RARB: variants seen among roughly 807,000 people sequenced by gnomAD.
RARB encodes the protein retinoic acid receptor beta, also known as HBV-activated protein.
A neutral mutation model predicts 51.9 loss-of-function variants in RARB; 17 were observed. The observed-to-expected ratio is 0.33, with a 90% CI of 0.22 to 0.49. The LOEUF (loss-of-function observed/expected upper bound fraction) is 0.49, where lower values mean the gene tolerates loss of function less well. RARB is among the 20% of genes least tolerant of loss of function. The probability of loss-of-function intolerance (pLI) is 0.99; values close to 1 mark genes in which losing one functional copy is unlikely to be tolerated. For missense variants in RARB, 369 were observed against 550.8 expected, an observed-to-expected ratio of 0.67 and a Z score of 3.30; for synonymous variants, 215 against 195.4, an observed-to-expected ratio of 1.10 and a Z score of -0.84.
intron 1 of RARB, among the ~76,000 whole-genome samples, chr3:25,442,216 A>C (rs904163121): frequency 6.6e-6 from 1 of 151,668 alleles, no homozygotes; most frequent in Admixed American, 6.6e-5. Flanking sequence ...GCTCACTGCA[A>C]CCTCCGCCTC....
intron 5 of RARB, among the ~76,000 whole-genome samples, chr3:25,183,859 T>A (rs1384512089): frequency 6.6e-6 from 1 of 152,108 alleles, no homozygotes; most frequent in African/African-American, 2.4e-5. Flanking sequence ...TAGAGCTAAT[T>A]TTGTTATGTA....
At chr3:25,130,549 C>T (rs56674042) in intron 3 of RARB, among the ~76,000 whole-genome samples, 8 of 151,808 alleles carry the variant, frequency 5.3e-5, no homozygotes, top group South Asian at 2.1e-4. Flanking sequence ...TCCTTCCTGG[C>T]GCACTGCATT....
intron 3 of RARB, among the ~76,000 whole-genome samples, chr3:25,081,626 T>A (rs1221235904): frequency 3.8e-5 from 2 of 52,762 alleles, no homozygotes; most frequent in African/African-American, 1.4e-4. Flanking sequence ...TATATATTTT[T>A]TTTTTTTTTT....
At chr3:24,996,338 TTC>T (rs1158871299) in intron 2 of RARB, among the ~76,000 whole-genome samples, 1 of 152,048 alleles carries the variant, frequency 6.6e-6, no homozygotes. Context: ...TGTTTGGTTC[TTC>T]TCTCTTTTCT....
intron 2 of RARB, among the ~76,000 whole-genome samples, chr3:25,042,786 T>C (rs1215632265): frequency 1.3e-5 from 2 of 152,258 alleles, no homozygotes; most frequent in Non-Finnish European, 2.9e-5. Flanking sequence ...GATAAGTTTT[T>C]CAATTCTTTT....
chr3:25,007,640 C>T (rs1342539423), intron 2 of RARB, among the ~76,000 whole-genome samples: 1 of 130,278 alleles, frequency 7.7e-6, no homozygotes, highest in African/African-American at 3.0e-5. Flanking sequence ...GTGGTGCATA[C>T]AGTTTTTGGA....
rs372531660 is a variant in RARB, at chr3:25,529,310, A to G, written c.448+27987A>G. 7.9e-5 allele frequency among the ~76,000 whole-genome samples: 12 copies of G among 152,252 alleles called. No individual in the cohort carries two copies. The East Asian group carries it at 2.3e-3, about 29-fold the overall frequency. ...GTACAAGAATGTTCCTAGCAACACT[A>G]TTCAAATCAGCAATAGAATGCATAA... is the stretch of plus-strand genomic sequence containing the variant. On this transcript the variant is annotated intron_variant, in intron 3 of 7. Transcript: ENST00000330688.
intron 2 of RARB, among the ~76,000 whole-genome samples, chr3:24,880,602 T>G (rs967219185): frequency 6.6e-6 from 1 of 152,096 alleles, no homozygotes; most frequent in South Asian, 2.1e-4. Flanking sequence ...CCATGAGAGT[T>G]CCCTAAAATC....
chr3:25,554,556 T>C (rs1191689031), intron 3 of RARB, among the ~76,000 whole-genome samples: 2 of 152,062 alleles, frequency 1.3e-5, no homozygotes, highest in African/African-American at 4.8e-5. Flanking sequence ...ATCTGGCCTA[T>C]TAGGAGAAAA....
chr3:25,492,775 G>A (rs928749813), intron 2 of RARB, among the ~76,000 whole-genome samples: 3 of 152,060 alleles, frequency 2.0e-5, no homozygotes, highest in Non-Finnish European at 4.4e-5. Context: ...CTAATAGTAA[G>A]TGTGCCGAGG....
intron 2 of RARB, among the ~76,000 whole-genome samples, chr3:24,904,157 G>A (rs1188089935): frequency 1.3e-5 from 2 of 152,140 alleles, no homozygotes; most frequent in African/African-American, 4.8e-5. Flanking sequence ...CTACAGTTGA[G>A]CGAGTTCTTT....
intron 2 of RARB, among the ~76,000 whole-genome samples, chr3:24,951,974 G>T (rs1220880391): frequency 6.6e-6 from 1 of 152,182 alleles, no homozygotes; most frequent in Non-Finnish European, 1.5e-5. Flanking sequence ...TCTATGCAGT[G>T]CATTGCAAAT....
chr3:24,863,926 G>A (rs939075400), intron 2 of RARB, among the ~76,000 whole-genome samples: 2 of 151,714 alleles, frequency 1.3e-5, no homozygotes, highest in African/African-American at 4.8e-5. Flanking sequence ...CCTGTTCAAG[G>A]CCCGCCCCTC....
chr3:25,238,748 C>T (rs1172700342), intron 5 of RARB, among the ~76,000 whole-genome samples: 6 of 151,988 alleles, frequency 3.9e-5, no homozygotes, highest in African/African-American at 1.2e-4. Flanking sequence ...TTTGGGAGGC[C>T]GAGGCAGGTG....
intron 4 of RARB, among the ~76,000 whole-genome samples, chr3:25,135,482 A>G (rs913583903): frequency 3.9e-5 from 6 of 151,980 alleles, no homozygotes. Flanking sequence ...AAGCCTTAGA[A>G]TGGCAAATAG....
chr3:25,107,426 TTAG>T (rs1433878859), intron 3 of RARB, among the ~76,000 whole-genome samples: 3 of 152,200 alleles, frequency 2.0e-5, no homozygotes, highest in Admixed American at 1.3e-4. Flanking sequence ...TTCTAATATT[TTAG>T]TAGGAGCTTA....
At chr3:25,197,752 A>G (rs1701280922) in intron 5 of RARB, among the ~76,000 whole-genome samples, 1 of 151,890 alleles carries the variant, frequency 6.6e-6, no homozygotes, top group East Asian at 1.9e-4. Context: ...CTCTACAATT[A>G]AAAAAATGGA....
At chr3:24,961,919 C>CTTTT (rs35078496) in intron 2 of RARB, among the ~76,000 whole-genome samples, 1 of 70,674 alleles carries the variant, frequency 1.4e-5, no homozygotes, top group Non-Finnish European at 2.5e-5. Context: ...CTTTGGGTGT[C>CTTTT]TTTTTTTTTT....
chr3:25,185,182 C>T (rs1361120928), intron 5 of RARB, among the ~76,000 whole-genome samples: 1 of 152,016 alleles, frequency 6.6e-6, no homozygotes, highest in African/African-American at 2.4e-5. Context: ...CTCAAGGGGA[C>T]AATCCTAAGT....
Sources: allele counts gnomAD v4.1 joint callset (sites outside exome capture counted in the v4.1 genomes callset), GRCh38; gene constraint gnomAD v4.1.1; transcripts MANE v1.5; gene names NCBI Gene and HGNC (gene_info 2026-07-23, HGNC 2026-07-21).